Variants in RYR2 observed in about 807,000 individuals in gnomAD.
The protein encoded by RYR2 is ryanodine receptor 2.
A neutral mutation model predicts 601.1 loss-of-function variants in RYR2; 227 were observed. The ratio of observed to expected loss-of-function variants is 0.38; its 90% CI spans 0.34 to 0.42. The LOEUF is 0.42. Among genes scored for constraint, RYR2 ranks in the 10% least tolerant of loss-of-function variants. RYR2 has a pLI of 1.00. For synonymous variants in RYR2, 2,223 were observed against 2,175.1 expected, an observed-to-expected ratio of 1.02 and a Z score of -0.61; for missense variants, 4,646 against 6,156.5, an observed-to-expected ratio of 0.75 and a Z score of 8.21.
chr1:237,502,390 A>T (rs890509842), intron 21 of RYR2, among the ~76,000 whole-genome samples: 1 of 152,164 alleles, frequency 6.6e-6, no homozygotes, highest in African/African-American at 2.4e-5. Flanking sequence ...CTTCAAGTTG[A>T]AGTGACATCA....
chr1:237,339,051 T>C (rs1468483031), intron 3 of RYR2, among the ~76,000 whole-genome samples: 2 of 152,222 alleles, frequency 1.3e-5, no homozygotes, highest in Admixed American at 6.5e-5. Context: ...ATTAAGTCTC[T>C]GTATAAGTCT....
chr1:237,091,548 C>T (rs1434824028), intron 1 of RYR2, among the ~76,000 whole-genome samples: 1 of 152,050 alleles, frequency 6.6e-6, no homozygotes, highest in Non-Finnish European at 1.5e-5. Context: ...CCTCAGCCTC[C>T]CGAGTAGCTG....
intron 25 of RYR2, among the ~76,000 whole-genome samples, chr1:237,537,161 G>A (rs1367896398): frequency 2.0e-5 from 3 of 152,126 alleles, no homozygotes; most frequent in Non-Finnish European, 1.5e-5. Context: ...AATCTTATAA[G>A]ACCCATTTCT....
intron 2 of RYR2, among the ~76,000 whole-genome samples, chr1:237,310,937 A>G (rs1265369781): frequency 1.3e-5 from 2 of 152,182 alleles, no homozygotes; most frequent in Non-Finnish European, 2.9e-5. Flanking sequence ...TTTCACAGTT[A>G]GGGTTTCCTT....
chr1:237,174,369 T>C (rs763180511), intron 1 of RYR2, among the ~76,000 whole-genome samples: 1 of 152,188 alleles, frequency 6.6e-6, no homozygotes, highest in Non-Finnish European at 1.5e-5. Context: ...TTATATCCTC[T>C]TACATGACCT....
At chr1:237,262,313 T>C (rs1458472265) in intron 1 of RYR2, among the ~76,000 whole-genome samples, 1 of 130,850 alleles carries the variant, frequency 7.6e-6, no homozygotes, top group Non-Finnish European at 1.6e-5. Context: ...CAGAGTGCAA[T>C]GGCACTCTCT....
At chr1:237,344,084 A>G (rs1698077281) in intron 3 of RYR2, among the ~76,000 whole-genome samples, 1 of 152,154 alleles carries the variant, frequency 6.6e-6, no homozygotes, top group African/African-American at 2.4e-5. Context: ...TGGCCTCCCA[A>G]AGTGCTGGGA....
intron 2 of RYR2, among the ~76,000 whole-genome samples, chr1:237,291,793 G>C (rs779092305): frequency 6.6e-6 from 1 of 152,148 alleles, no homozygotes; most frequent in Non-Finnish European, 1.5e-5. Context: ...TGAGCACAGG[G>C]TATATTTAGT....
At chr1:237,397,925 G>A (rs902924519) in intron 10 of RYR2, among the ~76,000 whole-genome samples, 1 of 151,974 alleles carries the variant, frequency 6.6e-6, no homozygotes, top group Non-Finnish European at 1.5e-5. Flanking sequence ...GTTTCACCAT[G>A]TTAGCCAGGA....
At chr1:237,828,468 C>T (rs1321936865) in intron 102 of RYR2, 23 bp downstream of exon 102, 4 of 1,518,166 alleles carry the variant, frequency 2.6e-6, no homozygotes, top group African/African-American at 2.8e-5. Context: ...ATTCATGACT[C>T]AGCTTCTTTG....
intron 1 of RYR2, among the ~76,000 whole-genome samples, chr1:237,142,964 C>T (rs913305163): frequency 6.6e-6 from 1 of 152,108 alleles, no homozygotes; most frequent in Non-Finnish European, 1.5e-5. Context: ...AACTGGCCGG[C>T]TCTCAATAGG....
intron 22 of RYR2, 32 bp downstream of exon 22, chr1:237,503,537 G>T (rs1400150001): frequency 6.3e-7 from 1 of 1,597,202 alleles, no homozygotes; most frequent in Non-Finnish European, 8.6e-7. Context: ...GCAATCACTG[G>T]TATTGCAGTC....
chr1:237,628,886 A>T (rs963295486), intron 41 of RYR2, among the ~76,000 whole-genome samples: 5 of 152,172 alleles, frequency 3.3e-5, no homozygotes, highest in African/African-American at 1.2e-4. Context: ...TGGGCCTTGG[A>T]AAAAGAAGGG....
intron 86 of RYR2, among the ~76,000 whole-genome samples, chr1:237,772,544 A>G (rs1286563584): frequency 6.6e-6 from 1 of 152,146 alleles, no homozygotes; most frequent in Non-Finnish European, 1.5e-5. Context: ...ATTTGCATTA[A>G]TTTTCACACC....
intron 17 of RYR2, among the ~76,000 whole-genome samples, chr1:237,473,458 T>TTTCTTTCTTTCTTTCTTTCTTTCTTTC (rs1558878518): frequency 6.7e-6 from 1 of 149,538 alleles, no homozygotes; most frequent in African/African-American, 2.4e-5. Context: ...TCTTTCTTTC[T>TTTCTTTCTTTCTTTCTTTCTTTCTTTC]TTCTATCTAT....
intron 2 of RYR2, among the ~76,000 whole-genome samples, chr1:237,274,191 A>G (rs1187318718): frequency 2.7e-5 from 4 of 150,556 alleles, no homozygotes; most frequent in African/African-American, 9.7e-5. Flanking sequence ...TACATATTAT[A>G]TATGATATGT....
chr1:237,674,502 A>G (rs921637007), intron 59 of RYR2, among the ~76,000 whole-genome samples: 1 of 152,166 alleles, frequency 6.6e-6, no homozygotes, highest in Admixed American at 6.5e-5. Flanking sequence ...ACTTCGTTGC[A>G]TAGTAAGAGA....
intron 1 of RYR2, among the ~76,000 whole-genome samples, chr1:237,079,748 T>C (rs1197048971): frequency 7.0e-6 from 1 of 143,016 alleles, no homozygotes; most frequent in Admixed American, 6.8e-5. Context: ...AAGCTAGCAA[T>C]GCCTTTCTTC....
chr1:237,108,408 G>T (rs1041567606), intron 1 of RYR2, among the ~76,000 whole-genome samples: 2 of 152,208 alleles, frequency 1.3e-5, no homozygotes, highest in Non-Finnish European at 2.9e-5. Flanking sequence ...CGTTAAGTCA[G>T]CTAGCCCAGT....
Sources: gnomAD v4.1 joint callset for allele counts (sites outside exome capture counted in the v4.1 genomes callset) on GRCh38, gnomAD v4.1.1 for gene constraint, MANE v1.5 for transcripts, NCBI Gene and HGNC (gene_info 2026-07-23, HGNC 2026-07-21) for gene names.